Variants in JPH1 observed in about 807,000 individuals in gnomAD.
JPH1 encodes junctophilin-1.
A neutral mutation model predicts 53.6 loss-of-function variants in JPH1; 12 were observed. The observed-to-expected ratio is 0.22, with a 90% CI of 0.14 to 0.36. The LOEUF is 0.36. JPH1 is among the 10% of genes least tolerant of loss of function. The probability of loss-of-function intolerance (pLI) is 1.00; values close to 1 mark genes in which losing one functional copy is unlikely to be tolerated. For synonymous variants in JPH1, 375 were observed against 363.8 expected (o/e 1.03, Z -0.35); for missense variants, 808 against 905.5 (o/e 0.89, Z 1.38).
intron 3 of JPH1, among the ~76,000 whole-genome samples, chr8:74,250,012 A>G (rs965792549): frequency 2.6e-5 from 4 of 152,210 alleles, no homozygotes; most frequent in Non-Finnish European, 4.4e-5. Context: ...ACCACATTCC[A>G]GGGCAGTGTT....
chr8:74,303,130 T>G (rs1384969956), intron 2 of JPH1, among the ~76,000 whole-genome samples: 2 of 152,190 alleles, frequency 1.3e-5, no homozygotes, highest in Non-Finnish European at 1.5e-5. Context: ...CTGCTTTACT[T>G]GTACTTCTTA....
At chr8:74,317,645 G>C (rs937073425) in intron 1 of JPH1, among the ~76,000 whole-genome samples, 19 of 152,270 alleles carry the variant, frequency 1.2e-4, no homozygotes, top group African/African-American at 3.6e-4. Context: ...TTGGTTAAAA[G>C]AATGCTATAA....
chr8:74,243,557 C>G (rs1805760515), intron 4 of JPH1, among the ~76,000 whole-genome samples: 1 of 152,132 alleles, frequency 6.6e-6, no homozygotes, highest in African/African-American at 2.4e-5. Context: ...AAACTGATGG[C>G]TGTACTATAT....
Position 74,239,186 on chromosome 8 carries a change from A to AT in JPH1, c.1906-1884dup, listed in dbSNP as rs569417895. 5.5e-3 allele frequency among the ~76,000 whole-genome samples: 813 copies of AT among 147,982 alleles called. 3 individuals carry two copies. Among genetic ancestry groups the AT allele is most frequent in the Non-Finnish European group, 8.4e-3 (557 of 66,638 alleles). On this transcript the variant is annotated intron_variant, in intron 4 of 5. Transcript: ENST00000342232. ...GGGCAGTGGGTTAAACATCTCTGAG[A>AT]TTTTTTTTTTTGTTTATTCTTCACA...
intron 3 of JPH1, among the ~76,000 whole-genome samples, chr8:74,248,179 A>G (rs1805917688): frequency 6.6e-6 from 1 of 152,220 alleles, no homozygotes. Context: ...CCACTCTGCT[A>G]AGATGAGTTT....
In JPH1 at chr8:74,235,530, C is replaced by G. The variant is rs1451875084; in HGVS notation, c.*1521G>C. The G allele has an allele frequency of 6.6e-6, 1 of 151,894 alleles. No individual in the cohort carries two copies. Among genetic ancestry groups the G allele is most frequent in the East Asian group, 1.9e-4 (1 of 5,168 alleles). 9.4% of individuals were successfully genotyped at this position (151,894 alleles called of 1,614,324 possible). On this transcript the variant is annotated 3_prime_UTR_variant, in exon 6 of 6. Transcript: ENST00000342232. ...AAAAAAAAAATCTGATTAAACCATG[C>G]AAATCATGAAAATATTTAGGAGTAG... is the stretch of plus-strand genomic sequence containing the variant.
chr8:74,314,710 G>T, intron 2 of JPH1, 151 bp downstream of exon 2: 1 of 943,038 alleles, frequency 1.1e-6, no homozygotes, highest in Non-Finnish European at 1.6e-6. Flanking sequence ...TTCTGACTTT[G>T]ATTCTACTGA....
chr8:74,286,459 T>A lies in JPH1; in HGVS notation c.1140-26956A>T, dbSNP rs1269834040. On this transcript the variant is annotated intron_variant, in intron 2 of 5. Coordinates refer to ENST00000342232, the MANE Select transcript of JPH1 (RefSeq NM_020647.4). ...TCTTCTCTTCTAGCTATCTTAAAAG[T>A]ATACACTACATTGTTGTTTGCCAGA... 2.0e-5 allele frequency among the ~76,000 whole-genome samples: 3 copies of A among 152,284 alleles called. No homozygotes were observed. The East Asian group carries it at 5.8e-4, about 29-fold the overall frequency.
At chr8:74,316,986 T>C (rs1320208220) in intron 1 of JPH1, among the ~76,000 whole-genome samples, 2 of 152,204 alleles carry the variant, frequency 1.3e-5, no homozygotes, top group African/African-American at 2.4e-5. Flanking sequence ...AGAAAACAAA[T>C]AATGATTAGT....
intron 4 of JPH1, among the ~76,000 whole-genome samples, chr8:74,239,350 G>T (rs946053005): frequency 1.1e-4 from 17 of 152,104 alleles, no homozygotes; most frequent in African/African-American, 4.1e-4. Flanking sequence ...TTCTCTATAT[G>T]TCTATTAAAG....
intron 2 of JPH1, among the ~76,000 whole-genome samples, chr8:74,274,003 G>T (rs1806778012): frequency 6.6e-6 from 1 of 152,122 alleles, no homozygotes; most frequent in Non-Finnish European, 1.5e-5. Flanking sequence ...CTTGTTCTGG[G>T]CTATTTTAAT....
At chr8:74,301,192 C>T (rs1018429107) in intron 2 of JPH1, among the ~76,000 whole-genome samples, 9 of 152,140 alleles carry the variant, frequency 5.9e-5, no homozygotes, top group African/African-American at 2.2e-4. Flanking sequence ...TCACCTCCTC[C>T]ACAGACCAGG....
chr8:74,300,185 A>G (rs1212253785), intron 2 of JPH1, among the ~76,000 whole-genome samples: 1 of 149,098 alleles, frequency 6.7e-6, no homozygotes, highest in East Asian at 1.9e-4. Flanking sequence ...TAGGCCAAGT[A>G]AAAGTCTTTG....
chr8:74,253,724 C>G (rs970538263), intron 3 of JPH1, among the ~76,000 whole-genome samples: 2 of 151,972 alleles, frequency 1.3e-5, no homozygotes, highest in African/African-American at 4.8e-5. Flanking sequence ...ACCACTGATC[C>G]CACAGAAATA....
intron 2 of JPH1, among the ~76,000 whole-genome samples, chr8:74,268,292 A>C (rs112533547): frequency 7.9e-5 from 12 of 152,208 alleles, no homozygotes; most frequent in African/African-American, 2.9e-4. Flanking sequence ...TAACGAATGG[A>C]AGAAAGGCAC....
At position 74,315,130 on chromosome 8, in the gene JPH1, G is replaced by A; in HGVS notation, c.870C>T (p.Arg290=). ...AGCGCTCGCTAACGCCGAAGCCGTT[G>A]CGCTTGTCGTTCTTCCACTCGCCCA... ...TYMGEWKNDK[R]NGFGVSERSN... The change falls in exon 2 of 6, where the codon CGC becomes CGT. Residue 290 remains arginine (R), a synonymous_variant. Coordinates refer to ENST00000342232, the MANE Select transcript of JPH1 (RefSeq NM_020647.4). This position sits in a 1 kb window ranked among gnomAD's most constrained non-coding sequence, Gnocchi z 6.3. 1 of 1,614,224 alleles carries A rather than the reference G, an allele frequency of 6.2e-7. No individual in the cohort carries two copies. Among genetic ancestry groups the A allele is most frequent in the Non-Finnish European group, 8.5e-7 (1 of 1,180,050 alleles).
At chr8:74,266,288 T>A (rs1481066942) in intron 2 of JPH1, among the ~76,000 whole-genome samples, 1 of 152,082 alleles carries the variant, frequency 6.6e-6, no homozygotes, top group African/African-American at 2.4e-5. Context: ...AGAGAGATGA[T>A]CTGCAAATCA....
chr8:74,278,747 G>A (rs1340948107), intron 2 of JPH1, among the ~76,000 whole-genome samples: 1 of 152,126 alleles, frequency 6.6e-6, no homozygotes, highest in Non-Finnish European at 1.5e-5. Flanking sequence ...CCCTTCATGA[G>A]CGATGACAGA....
At chr8:74,241,845 A>G (rs1805700000) in intron 4 of JPH1, among the ~76,000 whole-genome samples, 1 of 152,218 alleles carries the variant, frequency 6.6e-6, no homozygotes, top group African/African-American at 2.4e-5. Context: ...ATGGCTGAGA[A>G]AAAAGTGTAG....
Sources: gnomAD v4.1 joint callset for allele counts (sites outside exome capture counted in the v4.1 genomes callset) on GRCh38, gnomAD v4.1.1 for gene constraint, Gnocchi (gnomAD v3.1) non-coding constraint, MANE v1.5 for transcripts, NCBI Gene and HGNC (gene_info 2026-07-23, HGNC 2026-07-21) for gene names.